FAM13B: variants seen among roughly 807,000 people sequenced by gnomAD.
FAM13B encodes the protein protein FAM13B.
In FAM13B, 60 loss-of-function variants were observed where a neutral mutation model predicts 117.3. That is an observed-to-expected ratio of 0.51 (90% confidence interval 0.42 to 0.63). The LOEUF (loss-of-function observed/expected upper bound fraction) is 0.63. Ranked by LOEUF, FAM13B falls within the 30% of genes least tolerant of loss-of-function variation. The pLI, the probability that FAM13B is intolerant of heterozygous loss-of-function variation, is 0.00. For synonymous variants in FAM13B, 332 were observed against 356.1 expected, an observed-to-expected ratio of 0.93 and a Z score of 0.76; for missense variants, 972 against 1,091.9, an observed-to-expected ratio of 0.89 and a Z score of 1.55.
rs1486238193 is a variant in FAM13B at position 137,988,312 on chromosome 5, G to A, written c.852C>T (p.Thr284=). 3 of 1,558,422 alleles carry A rather than the reference G, an allele frequency of 1.9e-6. No individual in the cohort carries two copies. Among genetic ancestry groups the A allele is most frequent in the Non-Finnish European group, 2.6e-6 (3 of 1,162,188 alleles). ...LESNSVTATS[T]HISPISILPA... The stretch of plus-strand genomic sequence containing the variant: ...GTAGGATGCTGATGGGAGATATATG[G>A]GTGCTGCAATCAAAGAAAGAAATTA... The change falls in exon 8 of 24, where the codon ACC becomes ACT. Residue 284 remains threonine, a synonymous_variant. Coordinates refer to ENST00000689681, the MANE Select transcript of FAM13B (RefSeq NM_001385994.1).
intron 7 of FAM13B, among the ~76,000 whole-genome samples, chr5:137,998,971 T>C (rs1051483807): frequency 3.9e-5 from 6 of 152,200 alleles, no homozygotes; most frequent in Non-Finnish European, 7.3e-5. Flanking sequence ...AAGAGTATGG[T>C]ACCAGGCATA....
At chr5:137,980,576 G>A (rs1361601031) in intron 10 of FAM13B, among the ~76,000 whole-genome samples, 1 of 151,824 alleles carries the variant, frequency 6.6e-6, no homozygotes, top group Non-Finnish European at 1.5e-5. Context: ...CCAAGTAGCT[G>A]GGACTACAGG....
rs145073609 is a variant in FAM13B, at chr5:137,947,687, T to C, written c.2160+1268A>G. Among the ~76,000 whole-genome samples the C allele has an allele frequency of 2.0e-3, 297 of 152,166 alleles. 1 individual carries two copies. The highest frequency in any genetic ancestry group is 6.2e-3 in the African/African-American group (257 of 41,520). Reference sequence around the variant, plus strand: ...ACCTCCGTCTCCCAGGTTCAAGCAATTCTTCTGCCTCAGCCTCTGGAGTAG... The same window carrying C: ...ACCTCCGTCTCCCAGGTTCAAGCAACTCTTCTGCCTCAGCCTCTGGAGTAG... On this transcript the variant is annotated intron_variant, in intron 18 of 23. Coordinates refer to ENST00000689681, the MANE Select transcript of FAM13B (RefSeq NM_001385994.1).
At chr5:137,979,399 T>G (rs1461497030) in intron 10 of FAM13B, among the ~76,000 whole-genome samples, 1 of 152,146 alleles carries the variant, frequency 6.6e-6, no homozygotes, top group African/African-American at 2.4e-5. Flanking sequence ...CCCACAAACT[T>G]TTTATGACTA....
chr5:137,956,308 T>TA (rs1410389390), intron 14 of FAM13B, among the ~76,000 whole-genome samples, 169 bp downstream of exon 14: 2 of 152,156 alleles, frequency 1.3e-5, no homozygotes, highest in Admixed American at 1.3e-4. Flanking sequence ...TTATGAGAAA[T>TA]ATCCTATTTT....
In FAM13B at chr5:137,940,230, T is replaced by A; in HGVS notation, c.2809A>T (p.Ile937Leu). The A allele has an allele frequency of 6.2e-7, 1 of 1,614,034 alleles. No homozygotes were observed. The highest frequency in any genetic ancestry group is 8.5e-7 in the Non-Finnish European group (1 of 1,179,968). ...LISKQDSSKS[I>L] is the part of the protein sequence containing the mutation. ...GAATTTTCAAGGAACGTATCTTATA[T>A]GGATTTTGAAGAATCTTGTTTGCTT... Residue 937 changes from isoleucine to leucine, a missense_variant, in exon 24 of 24, where the codon ATA becomes TTA. By Grantham distance (5) the Ile-to-Leu change is conservative (BLOSUM62 2). Coordinates refer to ENST00000689681, the MANE Select transcript of FAM13B (RefSeq NM_001385994.1).
chr5:137,983,436 C>T (rs1776384599), intron 10 of FAM13B, among the ~76,000 whole-genome samples: 1 of 152,098 alleles, frequency 6.6e-6, no homozygotes, highest in Admixed American at 6.6e-5. Context: ...GAGACACAGA[C>T]AATTCTTCCA....
At chr5:138,026,870 C>T (rs995935687) in intron 1 of FAM13B, among the ~76,000 whole-genome samples, 2 of 150,592 alleles carry the variant, frequency 1.3e-5, no homozygotes, top group Admixed American at 6.6e-5. Context: ...ACCCGGGAGG[C>T]GGAGGTTACA....
At chr5:138,012,121 A>C (rs1330806478) in intron 4 of FAM13B, among the ~76,000 whole-genome samples, 176 bp from the exon 5 acceptor site, 1 of 151,252 alleles carries the variant, frequency 6.6e-6, no homozygotes, top group Non-Finnish European at 1.5e-5. Context: ...TATGAAATGG[A>C]GAAGAGGTGG....
chr5:138,020,294 A>T (rs1042696805), intron 2 of FAM13B, among the ~76,000 whole-genome samples: 2 of 152,192 alleles, frequency 1.3e-5, no homozygotes, highest in African/African-American at 4.8e-5. Context: ...TCCTGACCTC[A>T]TGTGATCAGC....
At chr5:138,018,877 T>A (rs1164989146) in intron 3 of FAM13B, 78 bp downstream of exon 3, 16 of 1,205,200 alleles carry the variant, frequency 1.3e-5, no homozygotes, top group Middle Eastern at 2.2e-4. Flanking sequence ...AAAAAAAAAA[T>A]TAAAAATCCA....
At position 138,033,015 on chromosome 5, in the gene FAM13B, A is replaced by G. The variant is rs907968410; in HGVS notation, c.-436T>C. The G allele has an allele frequency of 4.1e-6, 4 of 986,326 alleles. No individual in the cohort carries two copies. Among genetic ancestry groups the G allele is most frequent in the Non-Finnish European group, 4.8e-6 (4 of 831,098 alleles). The allele number at this position is 986,326 out of a possible 1,614,324, so 61.1% of individuals were successfully genotyped here. On this transcript the variant is annotated 5_prime_UTR_variant, in exon 1 of 24. Transcript: ENST00000689681. ...ACGCAGACGCGGAACAGGGGGAGAG[A>G]GTGGCGACAGAGGCGGCGGCTGAGG... is the stretch of plus-strand genomic sequence containing the variant.
At chr5:137,959,880 C>A in intron 12 of FAM13B, 117 bp from the exon 13 acceptor site, 1 of 932,940 alleles carries the variant, frequency 1.1e-6, no homozygotes, top group East Asian at 2.6e-5. Context: ...CCTATACAGC[C>A]AACTGTCCCA....
chr5:138,017,772 G>A (rs1460002643), intron 4 of FAM13B, among the ~76,000 whole-genome samples: 1 of 151,390 alleles, frequency 6.6e-6, no homozygotes, highest in African/African-American at 2.4e-5. Flanking sequence ...ATCTTTTTTT[G>A]TTTCTTTAGC....
chr5:137,966,480 TATATATATAGAGAGAGAGAG>T (rs1176733844), intron 10 of FAM13B, among the ~76,000 whole-genome samples: 12 of 59,082 alleles, frequency 2.0e-4, no homozygotes, highest in Non-Finnish European at 2.7e-4. Context: ...TATATATATA[TATATATATAGAGAGAGAGAG>T]AGAGAGAGAG....
chr5:138,022,498 TA>T (rs1787027166), intron 1 of FAM13B, among the ~76,000 whole-genome samples: 1 of 152,174 alleles, frequency 6.6e-6, no homozygotes, highest in Non-Finnish European at 1.5e-5. Flanking sequence ...GGAGAAACAT[TA>T]AAAACTGAAG....
intron 10 of FAM13B, among the ~76,000 whole-genome samples, chr5:137,970,119 G>T (rs1000161117): frequency 3.0e-4 from 45 of 151,872 alleles, no homozygotes; most frequent in Non-Finnish European, 5.9e-4. Context: ...ACGCCACAAA[G>T]ATACTCCTCG....
intron 1 of FAM13B, among the ~76,000 whole-genome samples, chr5:138,049,051 C>T (rs1791722235): frequency 6.7e-6 from 1 of 150,276 alleles, no homozygotes; most frequent in Admixed American, 6.7e-5. Context: ...AAGTGATTCT[C>T]GTGCCTCAGC....
At position 137,952,643 on chromosome 5, in the gene FAM13B, G is replaced by A. The variant is rs375616241; in HGVS notation, c.1915C>T (p.Arg639Trp). Residue 639 changes from arginine (R) to tryptophan (W), a missense_variant, in exon 17 of 24, where the codon CGG becomes TGG. Coordinates refer to ENST00000689681, the MANE Select transcript of FAM13B (RefSeq NM_001385994.1). ...CATAATATACCTTTAATTTGCTTCC[G>A]CAGTTTTGTAAGCTCTGTCATCCAT... ...LKWMTELTKLRKQIKDAKHKN... is the reference protein window; with the variant it reads ...LKWMTELTKLWKQIKDAKHKN... 6.3e-6 allele frequency: 10 copies of A among 1,593,026 alleles called. No homozygotes were observed. Among genetic ancestry groups the A allele is most frequent in the African/African-American group, 2.7e-5 (2 of 74,408 alleles).
Sources: allele counts gnomAD v4.1 joint callset (sites outside exome capture counted in the v4.1 genomes callset), GRCh38; gene constraint gnomAD v4.1.1; transcripts MANE v1.5; gene names NCBI Gene and HGNC (gene_info 2026-07-23, HGNC 2026-07-21).